The following PAPOLA variants were observed in gnomAD, a reference collection of about 807,000 sequenced individuals.
The protein encoded by PAPOLA is polynucleotide adenylyltransferase alpha.
Under a neutral mutation model 100.6 loss-of-function variants are expected in PAPOLA, and 15 were observed. That is an observed-to-expected ratio of 0.15 (90% confidence interval 0.10 to 0.23). PAPOLA has a LOEUF of 0.23. Among genes scored for constraint, PAPOLA ranks in the 10% least tolerant of loss-of-function variants. The probability of loss-of-function intolerance (pLI) is 1.00; values close to 1 mark genes in which losing one functional copy is unlikely to be tolerated. For synonymous variants in PAPOLA, 293 were observed against 300.0 expected (o/e 0.98, Z 0.24); for missense variants, 533 against 884.2 (o/e 0.60, Z 5.04).
chr14:96,520,713 AT>A (rs200924445), intron 2 of PAPOLA, among the ~76,000 whole-genome samples: 5 of 149,498 alleles, frequency 3.3e-5, no homozygotes, highest in South Asian at 2.1e-4. Context: ...GATGTTATTT[AT>A]TTTTTTTTCT....
At chr14:96,557,746 CTT>C (rs775920112) in intron 19 of PAPOLA, among the ~76,000 whole-genome samples, 28 of 132,588 alleles carry the variant, frequency 2.1e-4, no homozygotes, top group East Asian at 2.2e-4. Flanking sequence ...CTTTTTCTTT[CTT>C]TTTTTTTTTT....
chr14:96,565,002 T>A lies in PAPOLA; in HGVS notation c.2190T>A (p.Asn730Lys), dbSNP rs1902164593. The A allele has an allele frequency of 1.2e-6, 2 of 1,604,750 alleles. No homozygotes were observed. The highest frequency in any genetic ancestry group is 2.2e-5 in the South Asian group (2 of 90,892). ...DLSDIPALPA[N>K]PIPVIKNSIK... The stretch of plus-strand genomic sequence containing the variant: ...CTGATATCCCTGCTCTCCCTGCAAA[T>A]CCTATTCCTGTTATCAAGAATTCAA... Residue 730 changes from asparagine to lysine, a missense_variant, in exon 22 of 22, where the codon AAT becomes AAA. Asn to Lys is a moderately conservative substitution (Grantham distance 94). Coordinates refer to ENST00000216277, the MANE Select transcript of PAPOLA (RefSeq NM_032632.5).
chr14:96,503,923 C>T (rs1896525460), intron 1 of PAPOLA, among the ~76,000 whole-genome samples: 1 of 152,154 alleles, frequency 6.6e-6, no homozygotes, highest in African/African-American at 2.4e-5. Flanking sequence ...CTCCCACCCA[C>T]CCCCTTAGGT....
chr14:96,539,133 A>G (rs1899770670), intron 12 of PAPOLA, among the ~76,000 whole-genome samples: 1 of 152,152 alleles, frequency 6.6e-6, no homozygotes, highest in African/African-American at 2.4e-5. Context: ...TGTAACTAGC[A>G]GTAAATCATT....
chr14:96,520,713 A>T (rs556603159), intron 2 of PAPOLA, among the ~76,000 whole-genome samples: 1 of 149,604 alleles, frequency 6.7e-6, no homozygotes, highest in African/African-American at 2.5e-5. Context: ...GATGTTATTT[A>T]TTTTTTTTTC....
At chr14:96,503,328 C>T (rs1218185097) in intron 1 of PAPOLA, among the ~76,000 whole-genome samples, 8 of 152,100 alleles carry the variant, frequency 5.3e-5, no homozygotes, top group Non-Finnish European at 8.8e-5. Context: ...CATTCTGTTT[C>T]CTTCTTTCTC....
intron 1 of PAPOLA, among the ~76,000 whole-genome samples, chr14:96,508,311 A>G (rs1896874494): frequency 6.6e-6 from 1 of 152,238 alleles, no homozygotes; most frequent in Admixed American, 6.5e-5. Context: ...GAAAGATAAC[A>G]GAACTGTGGG....
rs764364872 is a variant in PAPOLA, at chr14:96,549,249, A to ATTTTTTTTTTTT, written c.1521+1337_1521+1348dup. Among the ~76,000 whole-genome samples the ATTTTTTTTTTTT allele has an allele frequency of 2.9e-5, 4 of 140,128 alleles. No individual in the cohort carries two copies. The East Asian group carries it at 8.2e-4, about 29-fold the overall frequency. The allele number at this position is 140,128 out of a possible 152,430, so 91.9% of individuals were successfully genotyped here. A position where few individuals can be genotyped will look rare whatever the true frequency, so the allele number is the denominator to read the frequency against. On this transcript the variant is annotated intron_variant, in intron 16 of 21. Coordinates refer to ENST00000216277, the MANE Select transcript of PAPOLA (RefSeq NM_032632.5). ...AAGGTTTAAACATGATGTTATTCTA[A>ATTTTTTTTTTTT]TTTTTTTTTTTTTTTTTGAGACGGA...
At chr14:96,517,014 G>A (rs1339792935) in intron 1 of PAPOLA, among the ~76,000 whole-genome samples, 1 of 152,008 alleles carries the variant, frequency 6.6e-6, no homozygotes, top group Non-Finnish European at 1.5e-5. Flanking sequence ...AACTGAACTG[G>A]TAATGAATTT....
At chr14:96,508,619 T>A (rs539235416) in intron 1 of PAPOLA, among the ~76,000 whole-genome samples, 1 of 152,342 alleles carries the variant, frequency 6.6e-6, no homozygotes, top group South Asian at 2.1e-4. Context: ...CTAAGTCAAC[T>A]TTAGGTTAAC....
chr14:96,502,531 C>A lies in PAPOLA; in HGVS notation c.-62C>A. On this transcript the variant is annotated 5_prime_UTR_variant, in exon 1 of 22. Coordinates refer to ENST00000216277, the MANE Select transcript of PAPOLA (RefSeq NM_032632.5). ...CCCTCCCGCCTCAGTGGATCATGCC[C>A]AGGGCGGCAGCGGCGGCGGTTGCGG... 7.2e-7 allele frequency: 1 copy of A among 1,381,242 alleles called. No individual in the cohort carries two copies. Among genetic ancestry groups the A allele is most frequent in the Non-Finnish European group, 1.0e-6 (1 of 1,000,150 alleles). 85.6% of individuals were successfully genotyped at this position (1,381,242 alleles called of 1,614,324 possible).
In PAPOLA at chr14:96,532,493, C is replaced by A. The variant is rs1461922426; in HGVS notation, c.698-18C>A. ...TGTTCAACACTAACTTATCTTTTTG[C>A]TTTTCCCTTATCAACAGGCCACAAC... On this transcript the variant is annotated intron_variant, in intron 8 of 21. Transcript: ENST00000216277. The A allele has an allele frequency of 1.2e-6, 2 of 1,604,822 alleles. No homozygotes were observed. Among genetic ancestry groups the A allele is most frequent in the Non-Finnish European group, 8.5e-7 (1 of 1,177,268 alleles).
chr14:96,546,437 C>G (rs1486038914), intron 15 of PAPOLA, among the ~76,000 whole-genome samples: 2 of 152,092 alleles, frequency 1.3e-5, no homozygotes, highest in Non-Finnish European at 2.9e-5. Flanking sequence ...GAGTATTTGT[C>G]TCACTCAAAA....
intron 1 of PAPOLA, among the ~76,000 whole-genome samples, chr14:96,513,362 C>T (rs945210176): frequency 6.6e-6 from 1 of 152,150 alleles, no homozygotes; most frequent in African/African-American, 2.4e-5. Flanking sequence ...AGCCGCTGCA[C>T]CAGGCCTGGG....
At chr14:96,544,494 C>T (rs1900231772) in intron 15 of PAPOLA, among the ~76,000 whole-genome samples, 1 of 152,026 alleles carries the variant, frequency 6.6e-6, no homozygotes, top group African/African-American at 2.4e-5. Flanking sequence ...ATTACACTTA[C>T]CAGTTGAGCA....
At chr14:96,536,893 G>A (rs1899585035) in intron 11 of PAPOLA, 83 bp from the exon 12 acceptor site, 1 of 778,012 alleles carries the variant, frequency 1.3e-6, no homozygotes, top group South Asian at 1.5e-5. Context: ...ATTATAGTGA[G>A]TGCATGTAGT....
At chr14:96,564,355 T>C (rs1222721591) in intron 21 of PAPOLA, among the ~76,000 whole-genome samples, 2 of 152,094 alleles carry the variant, frequency 1.3e-5, no homozygotes, top group African/African-American at 4.8e-5. Flanking sequence ...TTGTGTATGT[T>C]TGGAATTTTC....
chr14:96,545,616 C>A (rs1300255276), intron 15 of PAPOLA, among the ~76,000 whole-genome samples: 1 of 151,754 alleles, frequency 6.6e-6, no homozygotes, highest in Non-Finnish European at 1.5e-5. Flanking sequence ...GAAGTGAATT[C>A]TTGTTTAAAT....
intron 6 of PAPOLA, among the ~76,000 whole-genome samples, chr14:96,528,952 A>C (rs2140276388): frequency 6.6e-6 from 1 of 152,316 alleles, no homozygotes; most frequent in East Asian, 1.9e-4. Flanking sequence ...ATAAAGTATA[A>C]GTTGAGGCCT....
Sources: gnomAD v4.1 joint callset for allele counts (sites outside exome capture counted in the v4.1 genomes callset) on GRCh38, gnomAD v4.1.1 for gene constraint, MANE v1.5 for transcripts, NCBI Gene and HGNC (gene_info 2026-07-23, HGNC 2026-07-21) for gene names.